Variants in MBOAT2 observed in about 807,000 individuals in gnomAD.
MBOAT2 encodes membrane bound glycerophospholipid O-acyltransferase 2.
MBOAT2 carries 28 observed loss-of-function variants against 63.4 expected under a neutral mutation model. The observed-to-expected ratio is 0.44, with a 90% CI of 0.33 to 0.61. The LOEUF (loss-of-function observed/expected upper bound fraction) is 0.61, where lower values mean the gene tolerates loss of function less well. Among genes scored for constraint, MBOAT2 ranks in the 20% least tolerant of loss-of-function variants. MBOAT2 has a pLI of 0.03. For synonymous variants in MBOAT2, 211 were observed against 215.6 expected, an observed-to-expected ratio of 0.98 and a Z score of 0.19; for missense variants, 470 against 605.8, an observed-to-expected ratio of 0.78 and a Z score of 2.35.
At chr2:8,910,634 A>T (rs1665647639) in intron 3 of MBOAT2, among the ~76,000 whole-genome samples, 1 of 152,036 alleles carries the variant, frequency 6.6e-6, no homozygotes, top group Non-Finnish European at 1.5e-5. Context: ...TCTGATAGAT[A>T]AAAAAAAGTT....
At chr2:8,924,697 G>T in intron 3 of MBOAT2, among the ~76,000 whole-genome samples, 1 of 149,256 alleles carries the variant, frequency 6.7e-6, no homozygotes, top group African/African-American at 2.5e-5. Flanking sequence ...CCCAGCTATG[G>T]TTCAGCTGCT....
intron 4 of MBOAT2, among the ~76,000 whole-genome samples, chr2:8,890,647 G>C (rs1663925854): frequency 6.6e-6 from 1 of 152,052 alleles, no homozygotes; most frequent in African/African-American, 2.4e-5. Context: ...AGCCTCCAAA[G>C]CAGCTAACCC....
intron 1 of MBOAT2, among the ~76,000 whole-genome samples, chr2:8,960,810 TA>T (rs1176991723): frequency 1.3e-5 from 2 of 152,086 alleles, no homozygotes; most frequent in African/African-American, 4.8e-5. Flanking sequence ...AAAATATGTA[TA>T]AAAAATAAAA....
At chr2:8,956,271 C>A in intron 2 of MBOAT2, among the ~76,000 whole-genome samples, 1 of 152,108 alleles carries the variant, frequency 6.6e-6, no homozygotes, top group East Asian at 1.9e-4. Flanking sequence ...AGAATATATC[C>A]CTATTAGTTA....
At chr2:8,909,123 T>C (rs918793162) in intron 3 of MBOAT2, among the ~76,000 whole-genome samples, 1 of 152,240 alleles carries the variant, frequency 6.6e-6, no homozygotes, top group Non-Finnish European at 1.5e-5. Context: ...CTGTCCTCGA[T>C]AGTCTAAAAG....
At chr2:8,998,607 A>G (rs1413423730) in intron 1 of MBOAT2, among the ~76,000 whole-genome samples, 2 of 150,818 alleles carry the variant, frequency 1.3e-5, no homozygotes, top group Admixed American at 6.7e-5. Context: ...GCAGGGGAAG[A>G]GCGGGGGGCG....
At chr2:8,925,343 G>A (rs774562682) in intron 3 of MBOAT2, among the ~76,000 whole-genome samples, 3 of 152,000 alleles carry the variant, frequency 2.0e-5, no homozygotes, top group East Asian at 1.9e-4. Context: ...GTGGAAAGTA[G>A]GAAAAGAAAA....
intron 1 of MBOAT2, among the ~76,000 whole-genome samples, chr2:8,961,590 G>GA (rs74416009): frequency 2.2e-4 from 31 of 142,438 alleles, no homozygotes; most frequent in East Asian, 6.1e-4. Flanking sequence ...CATCAGTAGG[G>GA]AAAAAAAAAA....
intron 3 of MBOAT2, among the ~76,000 whole-genome samples, chr2:8,924,695 T>C (rs1666819603): frequency 6.6e-6 from 1 of 150,592 alleles, no homozygotes; most frequent in Non-Finnish European, 1.5e-5. Context: ...CACCCAGCTA[T>C]GGTTCAGCTG....
Position 8,967,822 on chromosome 2 carries a change from A to G in MBOAT2, c.76-9180T>C, listed in dbSNP as rs575235651. Among the ~76,000 whole-genome samples the G allele has an allele frequency of 3.3e-5, 5 of 152,308 alleles. No homozygotes were observed. In the South Asian group the frequency reaches 1.0e-3, roughly 32 times the overall value. On this transcript the variant is annotated intron_variant, in intron 1 of 12. Transcript: ENST00000305997. ...ACAAACTTTGGAAACAATAAAAAAA[A>G]TTAGATACAACTTCATCACATAAAT... is the stretch of plus-strand genomic sequence containing the variant.
chr2:8,973,789 CA>C (rs1670628728), intron 1 of MBOAT2, among the ~76,000 whole-genome samples: 1 of 152,066 alleles, frequency 6.6e-6, no homozygotes, highest in South Asian at 2.1e-4. Context: ...TTTCATCTAT[CA>C]GATAGACTTC....
intron 2 of MBOAT2, among the ~76,000 whole-genome samples, chr2:8,954,250 G>A (rs952122353): frequency 6.6e-6 from 1 of 152,250 alleles, no homozygotes; most frequent in African/African-American, 2.4e-5. Flanking sequence ...CAAGCCCACA[G>A]ATGGTGCTTA....
At chr2:8,966,348 T>C (rs930373426) in intron 1 of MBOAT2, among the ~76,000 whole-genome samples, 3 of 152,194 alleles carry the variant, frequency 2.0e-5, no homozygotes, top group Admixed American at 1.3e-4. Context: ...AGACATAGTA[T>C]AGACAGACAG....
chr2:8,918,298 C>T (rs988979867), intron 3 of MBOAT2, among the ~76,000 whole-genome samples: 34 of 152,262 alleles, frequency 2.2e-4, no homozygotes, highest in African/African-American at 7.9e-4. Flanking sequence ...TCCTGGGGTC[C>T]CAGGGTTCAG....
At chr2:8,943,925 G>A (rs555491362) in intron 2 of MBOAT2, among the ~76,000 whole-genome samples, 24 of 152,130 alleles carry the variant, frequency 1.6e-4, no homozygotes, top group Non-Finnish European at 2.8e-4. Context: ...GTACAGTGGC[G>A]CGATCTCAGC....
chr2:8,941,625 A>C (rs1448481765), intron 3 of MBOAT2, among the ~76,000 whole-genome samples: 1 of 151,722 alleles, frequency 6.6e-6, no homozygotes, highest in Non-Finnish European at 1.5e-5. Flanking sequence ...ACTTCACCCT[A>C]GGCAACAGAG....
In MBOAT2 at chr2:8,995,747, T is replaced by C. The variant is rs370785850; in HGVS notation, c.75+7793A>G. Among the ~76,000 whole-genome samples the C allele has an allele frequency of 9.1e-4, 138 of 152,176 alleles. 2 individuals carry two copies. Among genetic ancestry groups the C allele is most frequent in the Middle Eastern group, 6.8e-3 (2 of 294 alleles). ...CTGGGACCACGGGCACCCGCCACCA[T>C]GCCCGGCCTAATTTTTTGTAGTTTT... On this transcript the variant is annotated intron_variant, in intron 1 of 12. Coordinates refer to ENST00000305997, the MANE Select transcript of MBOAT2 (RefSeq NM_138799.4).
At chr2:8,935,484 T>C (rs1452666426) in intron 3 of MBOAT2, among the ~76,000 whole-genome samples, 1 of 152,160 alleles carries the variant, frequency 6.6e-6, no homozygotes, top group African/African-American at 2.4e-5. Flanking sequence ...TGGTGATAAA[T>C]ATGACAGTAT....
intron 3 of MBOAT2, among the ~76,000 whole-genome samples, chr2:8,915,319 C>T (rs569842111): frequency 5.3e-5 from 8 of 152,216 alleles, no homozygotes; most frequent in South Asian, 4.1e-4. Context: ...AAAAGGAAAA[C>T]GGACCCAGCT....
Sources: gnomAD v4.1 joint callset for allele counts (sites outside exome capture counted in the v4.1 genomes callset) on GRCh38, gnomAD v4.1.1 for gene constraint, MANE v1.5 for transcripts, NCBI Gene and HGNC (gene_info 2026-07-23, HGNC 2026-07-21) for gene names.